The following C1QTNF3 variants were observed in gnomAD, a reference collection of about 807,000 sequenced individuals.
C1QTNF3 encodes complement C1q tumor necrosis factor-related protein 3.
C1QTNF3 carries 26 observed loss-of-function variants against 32.6 expected under a neutral mutation model. That is an observed-to-expected ratio of 0.80 (90% CI 0.58 to 1.11). The LOEUF is 1.11. Among genes scored for constraint, C1QTNF3 ranks in the 50% least tolerant of loss-of-function variants. The pLI is 0.00. For missense variants in C1QTNF3, 362 were observed against 398.2 expected (o/e 0.91, Z 0.77); for synonymous variants, 155 against 146.0 (o/e 1.06, Z -0.44).
the C1QTNF3 span, among the ~76,000 whole-genome samples, chr5:34,097,605 G>C: frequency 1.3e-5 from 1 of 79,756 alleles, no homozygotes; most frequent in African/African-American, 5.0e-5. Context: ...CACACTGTAT[G>C]GACTAATCTC....
chr5:34,112,486 T>A, the C1QTNF3 span, among the ~76,000 whole-genome samples: 1 of 135,618 alleles, frequency 7.4e-6, no homozygotes, highest in East Asian at 2.1e-4. Context: ...ATAAGGATAC[T>A]CCATCTCTAC....
chr5:34,039,879 A>G (rs1754826753), intron 1 of C1QTNF3, among the ~76,000 whole-genome samples: 2 of 152,242 alleles, frequency 1.3e-5, no homozygotes, highest in African/African-American at 4.8e-5. Flanking sequence ...GCTAGAGCCA[A>G]CTAGGATTGG....
intron 4 of C1QTNF3, among the ~76,000 whole-genome samples, chr5:34,027,294 A>G (rs1240076655): frequency 6.6e-6 from 1 of 152,186 alleles, no homozygotes; most frequent in Non-Finnish European, 1.5e-5. Context: ...TATTGGTACA[A>G]CCCTTACAGG....
the C1QTNF3 span, among the ~76,000 whole-genome samples, chr5:34,183,595 G>T: frequency 6.7e-6 from 1 of 150,322 alleles, no homozygotes; most frequent in Non-Finnish European, 1.5e-5. Context: ...TCTCCCAATA[G>T]ATTAGATATA....
chr5:34,183,699 A>G, the C1QTNF3 span, among the ~76,000 whole-genome samples: 2 of 151,622 alleles, frequency 1.3e-5, no homozygotes, highest in African/African-American at 4.9e-5. Flanking sequence ...AAGAGGTTAA[A>G]AAGATTTTAT....
intron 1 of C1QTNF3, among the ~76,000 whole-genome samples, chr5:34,036,044 C>T (rs1441585844): frequency 6.6e-6 from 1 of 152,190 alleles, no homozygotes; most frequent in Admixed American, 6.5e-5. Context: ...TGGAAAGTGC[C>T]TTCCTGCTGC....
the C1QTNF3 span, among the ~76,000 whole-genome samples, chr5:34,157,317 A>C: frequency 6.6e-6 from 1 of 152,188 alleles, no homozygotes; most frequent in East Asian, 1.9e-4. Context: ...ATCATGATTA[A>C]ATAATCAAGT....
chr5:34,072,026 G>GC, the C1QTNF3 span, among the ~76,000 whole-genome samples: 1 of 151,438 alleles, frequency 6.6e-6, no homozygotes, highest in African/African-American at 2.4e-5. Flanking sequence ...CCAGAAACTA[G>GC]TTTACAGCAT....
intron 1 of C1QTNF3, among the ~76,000 whole-genome samples, chr5:34,036,705 A>G (rs1754749093): frequency 6.6e-6 from 1 of 152,148 alleles, no homozygotes; most frequent in South Asian, 2.1e-4. Flanking sequence ...TAATCCCAGC[A>G]CTTTTGGAGG....
chr5:34,177,163 T>C, the C1QTNF3 span, among the ~76,000 whole-genome samples: 1 of 152,058 alleles, frequency 6.6e-6, no homozygotes, highest in Non-Finnish European at 1.5e-5. Flanking sequence ...CACTCCAGCC[T>C]GGGCAACAGA....
chr5:34,202,357 C>T, the C1QTNF3 span, among the ~76,000 whole-genome samples: 1 of 151,854 alleles, frequency 6.6e-6, no homozygotes, highest in African/African-American at 2.4e-5. Context: ...TACTTTTTCT[C>T]TTCATGGGAA....
At chr5:34,113,258 T>C in the C1QTNF3 span, among the ~76,000 whole-genome samples, 1 of 150,798 alleles carries the variant, frequency 6.6e-6, no homozygotes, top group Non-Finnish European at 1.5e-5. Context: ...AGCAGGATAA[T>C]AAAACAGGAA....
rs112287474 is a variant in C1QTNF3, at chr5:34,023,152, G to C, written c.800+757C>G. Among the ~76,000 whole-genome samples, 132 of 152,272 alleles carry C rather than the reference G, an allele frequency of 8.7e-4. 1 individual carries two copies. Among genetic ancestry groups the C allele is most frequent in the African/African-American group, 2.8e-3 (115 of 41,562 alleles). On this transcript the variant is annotated intron_variant, in intron 5 of 5. Coordinates refer to ENST00000382065, the MANE Select transcript of C1QTNF3 (RefSeq NM_181435.6). ...TTACAGGCGTGAGCCACCGCGCCTGGCTCAAAGTCAGTTTTATAGACAGCA... is the reference window on the plus strand; with the variant it reads ...TTACAGGCGTGAGCCACCGCGCCTGCCTCAAAGTCAGTTTTATAGACAGCA...
At chr5:34,027,902 A>T (rs1293160298) in intron 4 of C1QTNF3, among the ~76,000 whole-genome samples, 1 of 152,164 alleles carries the variant, frequency 6.6e-6, no homozygotes, top group East Asian at 1.9e-4. Flanking sequence ...AGCAAGACAC[A>T]ATCAGAATGT....
chr5:34,058,972 A>G, the C1QTNF3 span, among the ~76,000 whole-genome samples: 1 of 152,220 alleles, frequency 6.6e-6, no homozygotes. Flanking sequence ...GACGAGAAAC[A>G]GAGAATTACA....
chr5:34,239,090 T>G, the C1QTNF3 span, among the ~76,000 whole-genome samples: 2 of 152,116 alleles, frequency 1.3e-5, no homozygotes. Context: ...GATAAGCAAA[T>G]ACTGAGGGAG....
chr5:34,066,212 C>G, the C1QTNF3 span, among the ~76,000 whole-genome samples: 2 of 151,832 alleles, frequency 1.3e-5, no homozygotes, highest in South Asian at 2.1e-4. Flanking sequence ...TGCTGGGAGA[C>G]TGCCTTTTGC....
chr5:34,027,801 A>G (rs1754505169), intron 4 of C1QTNF3, among the ~76,000 whole-genome samples: 1 of 151,382 alleles, frequency 6.6e-6, no homozygotes, highest in Non-Finnish European at 1.5e-5. Context: ...GGAATTCATT[A>G]AATATACTTT....
the C1QTNF3 span, among the ~76,000 whole-genome samples, chr5:34,207,185 TC>T: frequency 2.0e-5 from 3 of 152,172 alleles, no homozygotes. Flanking sequence ...AATTTTTTTT[TC>T]ATTGTCGTAT....
Sources: gnomAD v4.1 joint callset for allele counts (sites outside exome capture counted in the v4.1 genomes callset) on GRCh38, gnomAD v4.1.1 for gene constraint, MANE v1.5 for transcripts, NCBI Gene and HGNC (gene_info 2026-07-23, HGNC 2026-07-21) for gene names.